ATL2: variants seen among roughly 807,000 people sequenced by gnomAD.
ATL2 encodes the protein atlastin GTPase 2, also known as atlastin-2.
In ATL2, 31 loss-of-function variants were observed where a neutral mutation model predicts 73.9. That is an observed-to-expected ratio of 0.42 (90% confidence interval 0.32 to 0.57). The LOEUF is 0.57. Ranked by LOEUF, ATL2 falls within the 20% of genes least tolerant of loss-of-function variation. The pLI, the probability that ATL2 is intolerant of heterozygous loss-of-function variation, is 0.14. For missense variants in ATL2, 738 were observed against 702.6 expected, an observed-to-expected ratio of 1.05 and a Z score of -0.57; for synonymous variants, 291 against 237.5, an observed-to-expected ratio of 1.23 and a Z score of -2.07.
At chr2:38,357,368 A>G (rs13421644) in intron 1 of ATL2, among the ~76,000 whole-genome samples, 134 of 151,512 alleles carry the variant, frequency 8.8e-4, no homozygotes, top group African/African-American at 3.1e-3. Context: ...GTTACTATAT[A>G]TATGTTTGTT....
intron 1 of ATL2, chr2:38,358,718 G>A (rs1169339144): frequency 1.2e-5 from 2 of 163,234 alleles, no homozygotes; most frequent in East Asian, 1.9e-4. Context: ...ATTTTAAAAC[G>A]TTAACATGAT....
At chr2:38,307,124 G>C (rs1488782495) in intron 9 of ATL2, among the ~76,000 whole-genome samples, 1 of 152,108 alleles carries the variant, frequency 6.6e-6, no homozygotes, top group African/African-American at 2.4e-5. Flanking sequence ...TTGGGAGGCA[G>C]ATGCAGGCAG....
At chr2:38,338,275 G>C (rs560779856) in intron 2 of ATL2, among the ~76,000 whole-genome samples, 1 of 152,232 alleles carries the variant, frequency 6.6e-6, no homozygotes, top group African/African-American at 2.4e-5. Flanking sequence ...CGTACACAAA[G>C]ATGGCAACAA....
rs564874641 is a variant in ATL2 at position 38,294,675 on chromosome 2, T to C, written c.*1319A>G. ...AAAAGAGAGAGAAAGAAATTAACAA[T>C]CCCCATCTACAACTAGGCTAATCAT... On this transcript the variant is annotated 3_prime_UTR_variant, in exon 13 of 13. Transcript: ENST00000378954. Among the ~76,000 whole-genome samples the C allele has an allele frequency of 2.7e-5, 4 of 148,928 alleles. No homozygotes were observed. The highest frequency in any genetic ancestry group is 4.0e-4 in the East Asian group (2 of 5,014).
At chr2:38,306,334 C>A (rs139020636) in intron 9 of ATL2, among the ~76,000 whole-genome samples, 192 of 152,286 alleles carry the variant, frequency 1.3e-3, no homozygotes, top group African/African-American at 4.2e-3. Flanking sequence ...TAATACCAAT[C>A]CTACTCAACT....
intron 2 of ATL2, among the ~76,000 whole-genome samples, chr2:38,333,207 T>C (rs556961457): frequency 6.6e-6 from 1 of 152,048 alleles, no homozygotes; most frequent in Non-Finnish European, 1.5e-5. Context: ...GTCGATCACC[T>C]GAGCCCAGGA....
intron 1 of ATL2, among the ~76,000 whole-genome samples, chr2:38,357,110 A>ACG: frequency 5.3e-5 from 8 of 152,152 alleles, no homozygotes; most frequent in African/African-American, 1.9e-4. Context: ...CAGGTGGATC[A>ACG]TGAGGTCAGG....
At position 38,334,719 on chromosome 2, in the gene ATL2, A is replaced by C. The variant is rs78347872; in HGVS notation, c.363+8549T>G. 6.8e-3 allele frequency among the ~76,000 whole-genome samples: 1,028 copies of C among 151,042 alleles called. 13 individuals carry two copies. The highest frequency in any genetic ancestry group is 0.056 in the East Asian group (287 of 5,086). On this transcript the variant is annotated intron_variant, in intron 2 of 12. Transcript: ENST00000378954. ...GTCTCAAACAAACAAACAAACAAAAAAATCTGGTCAAAGTTTGCCTGCTTC... is the reference window on the plus strand; with the variant it reads ...GTCTCAAACAAACAAACAAACAAAACAATCTGGTCAAAGTTTGCCTGCTTC...
At chr2:38,338,461 T>TA (rs1288439572) in intron 2 of ATL2, among the ~76,000 whole-genome samples, 1 of 152,122 alleles carries the variant, frequency 6.6e-6, no homozygotes, top group African/African-American at 2.4e-5. Context: ...AAATAAAAGT[T>TA]AAAATTATTT....
intron 2 of ATL2, among the ~76,000 whole-genome samples, chr2:38,335,306 A>T (rs1669290003): frequency 6.7e-6 from 1 of 150,136 alleles, no homozygotes; most frequent in Non-Finnish European, 1.5e-5. Context: ...GTTCATTAGC[A>T]GTTTTATTCA....
chr2:38,378,324 C>T (rs1240346369), upstream of ATL2, among the ~76,000 whole-genome samples: 2 of 152,172 alleles, frequency 1.3e-5, no homozygotes, highest in African/African-American at 2.4e-5. Context: ...CATGGTGGCT[C>T]ACGCCTCCCG....
At chr2:38,333,318 T>C (rs1239494774) in intron 2 of ATL2, among the ~76,000 whole-genome samples, 2 of 151,992 alleles carry the variant, frequency 1.3e-5, no homozygotes, top group South Asian at 2.1e-4. Flanking sequence ...TTTTAAAAAA[T>C]GTACAAGCTA....
intron 9 of ATL2, among the ~76,000 whole-genome samples, chr2:38,306,049 T>G (rs372999284): frequency 1.3e-5 from 2 of 151,764 alleles, no homozygotes; most frequent in Admixed American, 6.5e-5. Context: ...AAATCAGAGA[T>G]GAAAAAGGAG....
chr2:38,344,592 AGAGT>A (rs1191255119), intron 1 of ATL2, among the ~76,000 whole-genome samples: 1 of 152,246 alleles, frequency 6.6e-6, no homozygotes, highest in Admixed American at 6.5e-5. Flanking sequence ...CCTGGGCAAC[AGAGT>A]GAGTCTCAGT....
chr2:38,350,341 C>T (rs1670265897), intron 1 of ATL2, among the ~76,000 whole-genome samples: 1 of 152,192 alleles, frequency 6.6e-6, no homozygotes, highest in Admixed American at 6.5e-5. Context: ...TCAAACATCT[C>T]TCCACACATT....
intron 1 of ATL2, among the ~76,000 whole-genome samples, chr2:38,357,523 A>G (rs1670741476): frequency 6.6e-6 from 1 of 151,254 alleles, no homozygotes; most frequent in African/African-American, 2.4e-5. Flanking sequence ...GCGTGGTGGC[A>G]CACCTGTAGT....
At chr2:38,325,806 CCAGAGCTTTAT>C (rs1421559478) in intron 2 of ATL2, among the ~76,000 whole-genome samples, 1 of 146,444 alleles carries the variant, frequency 6.8e-6, no homozygotes, top group Non-Finnish European at 1.5e-5. Flanking sequence ...AACTACTTTA[CCAGAGCTTTAT>C]CTGACCCTAG....
At chr2:38,368,096 G>A (rs1278600558) in intron 1 of ATL2, among the ~76,000 whole-genome samples, 2 of 151,460 alleles carry the variant, frequency 1.3e-5, no homozygotes, top group Non-Finnish European at 2.9e-5. Flanking sequence ...CACCACGCCC[G>A]GCTAATTTTT....
At position 38,345,619 on chromosome 2, in the gene ATL2, T is replaced by C. The variant is rs186019368; in HGVS notation, c.119-2107A>G. ...TATCACTGCCTGTATCAATGGTATA[T>C]AGCAATAGTCAGGTATGCTATTTGA... is the stretch of plus-strand genomic sequence containing the variant. On this transcript the variant is annotated intron_variant, in intron 1 of 12. Coordinates refer to ENST00000378954, the MANE Select transcript of ATL2 (RefSeq NM_001135673.4). Among the ~76,000 whole-genome samples the C allele has an allele frequency of 1.6e-4, 24 of 152,330 alleles. No individual in the cohort carries two copies. The East Asian group carries it at 4.0e-3, about 26-fold the overall frequency.
Sources: gnomAD v4.1 joint callset for allele counts (sites outside exome capture counted in the v4.1 genomes callset) on GRCh38, gnomAD v4.1.1 for gene constraint, MANE v1.5 for transcripts, NCBI Gene and HGNC (gene_info 2026-07-23, HGNC 2026-07-21) for gene names.